The following CCT8 variants were observed in gnomAD, a reference collection of about 807,000 sequenced individuals.
CCT8 encodes the protein chaperonin containing TCP1 subunit 8.
CCT8 carries 10 observed loss-of-function variants against 65.7 expected under a neutral mutation model. The observed-to-expected ratio is 0.15, with a 90% CI of 0.09 to 0.26. The LOEUF (loss-of-function observed/expected upper bound fraction) is 0.26, where lower values mean the gene tolerates loss of function less well. Among genes scored for constraint, CCT8 ranks in the 10% least tolerant of loss-of-function variants. The pLI is 1.00. For synonymous variants in CCT8, 199 were observed against 221.8 expected, an observed-to-expected ratio of 0.90 and a Z score of 0.92; for missense variants, 568 against 669.1, an observed-to-expected ratio of 0.85 and a Z score of 1.67.
At chr21:29,063,679 T>A (rs747796147) in intron 7 of CCT8, 149 bp from the exon 8 acceptor site, 1 of 709,536 alleles carries the variant, frequency 1.4e-6, no homozygotes, top group Non-Finnish European at 2.3e-6. Flanking sequence ...GAATACTGTA[T>A]GTGTGAAATA....
chr21:29,062,760 T>C lies in CCT8; in HGVS notation c.942-204A>G, dbSNP rs547928104. On this transcript the variant is annotated intron_variant, in intron 8 of 14. Coordinates refer to ENST00000286788, the MANE Select transcript of CCT8 (RefSeq NM_006585.4). ...TCTCTGAGTGAGTCCAGCTGGCCAA[T>C]AGTACCACATCTTAAGCCTGTGTTG... is the stretch of plus-strand genomic sequence containing the variant. 1.3e-4 allele frequency: 78 copies of C among 595,044 alleles called. No individual in the cohort carries two copies. In the Middle Eastern group the frequency reaches 1.8e-3, roughly 14 times the overall value. 36.9% of individuals were successfully genotyped at this position (595,044 alleles called of 1,614,324 possible).
intron 1 of CCT8, 127 bp downstream of exon 1, chr21:29,073,404 T>A: frequency 6.6e-7 from 1 of 1,517,682 alleles, no homozygotes; most frequent in Admixed American, 2.1e-5. Flanking sequence ...CTTTCTGGAA[T>A]CTTCTCTTCC....
rs2085500690 is a variant in CCT8 at position 29,056,522 on chromosome 21, T to G, written c.1600A>C (p.Lys534Gln). ...IIMAKPAGGP[K>Q]PPSGKKDWDD... ...CAGTCTTTCTTCCCACTTGGAGGCT[T>G]GGGCCCACCAGCTGGTTTTGCCATG... is the stretch of plus-strand genomic sequence containing the variant. Residue 534 changes from lysine to glutamine, a missense_variant, in exon 15 of 15, where the codon AAG becomes CAG. Transcript: ENST00000286788. 6.4e-7 allele frequency: 1 copy of G among 1,556,482 alleles called. No homozygotes were observed. The highest frequency in any genetic ancestry group is 8.7e-7 in the Non-Finnish European group (1 of 1,151,292).
At chr21:29,069,069 T>C (rs1373090567) in intron 3 of CCT8, among the ~76,000 whole-genome samples, 1 of 152,124 alleles carries the variant, frequency 6.6e-6, no homozygotes, top group Non-Finnish European at 1.5e-5. Context: ...AACCAAATGG[T>C]TGGATCTTTT....
chr21:29,063,803 T>A, intron 7 of CCT8, among the ~76,000 whole-genome samples: 1 of 152,214 alleles, frequency 6.6e-6, no homozygotes, highest in East Asian at 1.9e-4. Context: ...AGAGTCTCAC[T>A]CTGTCACCAT....
chr21:29,061,101 C>T lies in CCT8; in HGVS notation c.1449+152G>A, dbSNP rs1336035820. ...TAAAACAGAAGGAAAATGAAACGTTCCTCCATCAGACAACCTATGTAAAAA... is the reference window on the plus strand; with the variant it reads ...TAAAACAGAAGGAAAATGAAACGTTTCTCCATCAGACAACCTATGTAAAAA... On this transcript the variant is annotated intron_variant, in intron 13 of 14. Coordinates refer to ENST00000286788, the MANE Select transcript of CCT8 (RefSeq NM_006585.4). 1.5e-5 allele frequency: 10 copies of T among 656,496 alleles called. No individual in the cohort carries two copies. In the Admixed American group the frequency reaches 2.9e-4, roughly 19 times the overall value. 40.7% of individuals were successfully genotyped at this position (656,496 alleles called of 1,614,324 possible). A position where few individuals can be genotyped will look rare whatever the true frequency, so the allele number is the denominator to read the frequency against.
chr21:29,073,099 G>C, intron 1 of CCT8: 1 of 215,734 alleles, frequency 4.6e-6, no homozygotes, highest in Non-Finnish European at 8.2e-6. Flanking sequence ...TCTCTGGATC[G>C]GCTAGTTCTC....
Position 29,073,585 on chromosome 21 carries a change from C to T in CCT8, c.6G>A (p.Ala2=), listed in dbSNP as rs1425855828. ...AGCCCGGAGCCTTGGGAACGTGAAGCGCCATGGCCAGCCTGCAGGAAGCAG... is the reference window on the plus strand; with the variant it reads ...AGCCCGGAGCCTTGGGAACGTGAAGTGCCATGGCCAGCCTGCAGGAAGCAG... The part of the protein sequence containing the change: M[A]LHVPKAPGFA... The change falls in exon 1 of 15, where the codon GCG becomes GCA. Residue 2 remains alanine (A), a synonymous_variant. Transcript: ENST00000286788. 3.1e-6 allele frequency: 5 copies of T among 1,614,116 alleles called. No individual in the cohort carries two copies. Among genetic ancestry groups the T allele is most frequent in the South Asian group, 1.1e-5 (1 of 91,082 alleles).
rs1395492994 is a variant in CCT8, at chr21:29,062,550, G to T, written c.948C>A (p.Asn316Lys). The change falls in exon 9 of 15, where the codon AAC becomes AAA. Residue 316 changes from asparagine to lysine, a missense_variant. Asn to Lys is a moderately conservative substitution (Grantham distance 94, BLOSUM62 0). Transcript: ENST00000286788. ...NKYNIMLVRL[N>K]SKWDLRRLCK... ...AAAGTCTTCGGAGATCCCATTTTGA[G>T]TTTAGCCTTTAAAAAACACAAAGAC... The T allele has an allele frequency of 2.5e-6, 4 of 1,613,022 alleles. No individual in the cohort carries two copies. In the South Asian group the frequency reaches 4.4e-5, roughly 18 times the overall value.
intron 6 of CCT8, 85 bp downstream of exon 6, chr21:29,066,631 A>ATTTT: frequency 1.5e-6 from 1 of 666,650 alleles, no homozygotes; most frequent in Non-Finnish European, 2.4e-6. Flanking sequence ...AGATGAACAC[A>ATTTT]TTTTTTTTTT....
intron 14 of CCT8, among the ~76,000 whole-genome samples, chr21:29,057,376 G>A (rs1315318965): frequency 1.3e-5 from 2 of 150,948 alleles, no homozygotes; most frequent in East Asian, 3.9e-4. Flanking sequence ...TCACCACGTT[G>A]GCCAGGCTGG....
chr21:29,066,688 A>G (rs1394093170), intron 6 of CCT8, 28 bp downstream of exon 6: 3 of 1,455,184 alleles, frequency 2.1e-6, no homozygotes, highest in Non-Finnish European at 2.8e-6. Flanking sequence ...TGACCTAGAT[A>G]TGTAGCATTA....
In CCT8 at chr21:29,062,532, T is replaced by A; in HGVS notation, c.966A>T (p.Arg322=). ...LVRLNSKWDL[R]RLCKTVGATA... ...TAGCACCAACAGTTTTACAAAGTCT[T>A]CGGAGATCCCATTTTGAGTTTAGCC... is the stretch of plus-strand genomic sequence containing the variant. The change falls in exon 9 of 15, where the codon CGA becomes CGT. Residue 322 remains arginine, a synonymous_variant. Transcript: ENST00000286788. The A allele has an allele frequency of 1.9e-6, 3 of 1,613,926 alleles. No homozygotes were observed. The highest frequency in any genetic ancestry group is 2.5e-6 in the Non-Finnish European group (3 of 1,179,922).
intron 1 of CCT8, among the ~76,000 whole-genome samples, chr21:29,071,451 C>T (rs191999877): frequency 1.4e-5 from 2 of 145,286 alleles, no homozygotes; most frequent in Non-Finnish European, 3.0e-5. Flanking sequence ...GAGCTGAGAT[C>T]GTGGCACGAT....
intron 11 of CCT8, among the ~76,000 whole-genome samples, chr21:29,061,885 T>C (rs1020147378): frequency 6.6e-6 from 1 of 152,162 alleles, no homozygotes; most frequent in Non-Finnish European, 1.5e-5. Flanking sequence ...AAAACAACGA[T>C]AAACAATTTT....
intron 6 of CCT8, among the ~76,000 whole-genome samples, chr21:29,066,470 C>T (rs1386827825): frequency 1.3e-5 from 2 of 151,482 alleles, no homozygotes; most frequent in African/African-American, 4.9e-5. Flanking sequence ...AACCGGGAGG[C>T]GGAGGTTGCG....
chr21:29,067,051 T>C lies in CCT8; in HGVS notation c.402A>G (p.Ile134Met). The C allele has an allele frequency of 6.2e-7, 1 of 1,611,470 alleles. No homozygotes were observed. Among genetic ancestry groups the C allele is most frequent in the Middle Eastern group, 1.7e-4 (1 of 6,044 alleles). The change falls in exon 5 of 15, where the codon ATA becomes ATG. Residue 134 changes from isoleucine (I) to methionine (M), a missense_variant. By Grantham distance (10) the Ile-to-Met change is conservative. Transcript: ENST00000286788. Reference protein sequence around the residue: ...SVSEVIEGYEIACRKAHEILP... With the variant: ...SVSEVIEGYEMACRKAHEILP... The stretch of plus-strand genomic sequence containing the variant: ...GAATCTCATGAGCTTTTCTGCAGGC[T>C]ATTTCATAACCTTCTATGACCTAAA...
At chr21:29,061,885 TAAAC>T (rs925115692) in intron 11 of CCT8, among the ~76,000 whole-genome samples, 2 of 152,162 alleles carry the variant, frequency 1.3e-5, no homozygotes, top group African/African-American at 2.4e-5. Flanking sequence ...AAAACAACGA[TAAAC>T]AATTTTTTTT....
chr21:29,062,276 A>G (rs753608433), intron 10 of CCT8, 33 bp from the exon 11 acceptor site: 3 of 1,606,802 alleles, frequency 1.9e-6, no homozygotes, highest in Admixed American at 3.3e-5. Flanking sequence ...TGGTGATTAA[A>G]TACAAGAAGC....
Sources: allele counts gnomAD v4.1 joint callset (sites outside exome capture counted in the v4.1 genomes callset), GRCh38; gene constraint gnomAD v4.1.1; transcripts MANE v1.5; gene names NCBI Gene and HGNC (gene_info 2026-07-23, HGNC 2026-07-21).